Variants in TRMT11 observed in about 807,000 individuals in gnomAD.
The protein encoded by TRMT11 is tRNA methyltransferase 11, also known as tRNA (guanine(10)-N(2))-methyltransferase TRMT11.
Under a neutral mutation model 62.8 loss-of-function variants are expected in TRMT11, and 53 were observed. That is an observed-to-expected ratio of 0.84 (90% CI 0.68 to 1.06). The LOEUF (loss-of-function observed/expected upper bound fraction) is 1.06, where lower values mean the gene tolerates loss of function less well. TRMT11 is among the 50% of genes least tolerant of loss of function. TRMT11 has a pLI of 0.00. For missense variants in TRMT11, 556 were observed against 553.4 expected (o/e 1.00, Z -0.05); for synonymous variants, 188 against 190.3 (o/e 0.99, Z 0.10).
intron 17 of TRMT11, among the ~76,000 whole-genome samples, chr6:126,086,729 C>A (rs1032112637): frequency 2.0e-5 from 3 of 152,146 alleles, no homozygotes; most frequent in Non-Finnish European, 1.5e-5. Context: ...ACTTCTTTGT[C>A]TTATCTTGAT....
chr6:126,025,147 T>C (rs1352778127), intron 12 of TRMT11, among the ~76,000 whole-genome samples: 3 of 152,202 alleles, frequency 2.0e-5, no homozygotes, highest in Non-Finnish European at 4.4e-5. Flanking sequence ...TCTATTTTAA[T>C]GGAAAAATTT....
chr6:126,078,020 AATGC>A (rs1411431253), intron 17 of TRMT11, among the ~76,000 whole-genome samples: 1 of 152,172 alleles, frequency 6.6e-6, no homozygotes, highest in Non-Finnish European at 1.5e-5. Flanking sequence ...GCTCTGTGCT[AATGC>A]ATCACCCCAC....
At chr6:126,129,615 C>G (rs1305144750) in intron 21 of TRMT11, among the ~76,000 whole-genome samples, 1 of 151,946 alleles carries the variant, frequency 6.6e-6, no homozygotes, top group Non-Finnish European at 1.5e-5. Flanking sequence ...CTTGATATCC[C>G]AGCCTCAGGT....
At chr6:126,223,890 T>A in the TRMT11 span, among the ~76,000 whole-genome samples, 128,191 of 152,160 alleles carry the variant, frequency 0.84, 54,733 homozygotes, top group East Asian at 1. Flanking sequence ...TCAAAGAATC[T>A]ATCTTTGAGA....
chr6:126,159,308 C>T (rs1778161849), intron 21 of TRMT11, among the ~76,000 whole-genome samples: 1 of 152,074 alleles, frequency 6.6e-6, no homozygotes, highest in Non-Finnish European at 1.5e-5. Context: ...ATACCTTAGG[C>T]TTTAGTGTCA....
the TRMT11 span, chr6:126,258,242 G>A: frequency 0.18 from 107,569 of 610,464 alleles, 13,497 homozygotes; most frequent in East Asian, 0.53. Flanking sequence ...TGTGCCGCCC[G>A]GGCCTCCTCC....
In TRMT11 at chr6:126,005,967, T is replaced by C. The variant is rs182161433; in HGVS notation, c.680-2425T>C. 2.2e-4 allele frequency among the ~76,000 whole-genome samples: 33 copies of C among 152,086 alleles called. No individual in the cohort carries two copies. The East Asian group carries it at 4.4e-3, about 20-fold the overall frequency. On this transcript the variant is annotated intron_variant, in intron 7 of 12. Coordinates refer to ENST00000334379, the MANE Select transcript of TRMT11 (RefSeq NM_001031712.3). ...TGGAAGGAAAGGAGTGTAGCTCCTTTTGAAGTTTTATCATTGTAAAATAGT... is the reference window on the plus strand; with the variant it reads ...TGGAAGGAAAGGAGTGTAGCTCCTTCTGAAGTTTTATCATTGTAAAATAGT...
chr6:126,209,443 G>A, the TRMT11 span, among the ~76,000 whole-genome samples: 12 of 151,860 alleles, frequency 7.9e-5, no homozygotes, highest in African/African-American at 2.4e-4. Context: ...GGTGTAGGCC[G>A]GGCGCGGTGG....
chr6:126,076,547 C>T (rs1316932102), intron 17 of TRMT11, among the ~76,000 whole-genome samples: 1 of 152,178 alleles, frequency 6.6e-6, no homozygotes, highest in Non-Finnish European at 1.5e-5. Flanking sequence ...AGTTGGATTT[C>T]TGCAACTTGC....
the TRMT11 span, among the ~76,000 whole-genome samples, chr6:126,218,897 G>T: frequency 2.0e-5 from 3 of 152,178 alleles, no homozygotes; most frequent in African/African-American, 7.2e-5. Context: ...TGGGATGGGT[G>T]ATTTCCCTCT....
At chr6:126,015,718 A>T (rs1794898564) in intron 11 of TRMT11, among the ~76,000 whole-genome samples, 1 of 152,192 alleles carries the variant, frequency 6.6e-6, no homozygotes, top group Non-Finnish European at 1.5e-5. Flanking sequence ...CAATCCATGT[A>T]GGAAACTGTG....
At chr6:126,251,071 C>T in the TRMT11 span, among the ~76,000 whole-genome samples, 1 of 150,686 alleles carries the variant, frequency 6.6e-6, no homozygotes, top group Non-Finnish European at 1.5e-5. Context: ...TGCTCTTTCA[C>T]CCAGGCTGGA....
chr6:126,165,277 CAAAA>C (rs764649605), intron 21 of TRMT11, among the ~76,000 whole-genome samples: 1 of 134,728 alleles, frequency 7.4e-6, no homozygotes. Flanking sequence ...GACCGTGCCT[CAAAA>C]AAAAAAAAAA....
intron 1 of TRMT11, among the ~76,000 whole-genome samples, chr6:125,990,571 G>A (rs1790445550): frequency 6.6e-6 from 1 of 152,154 alleles, no homozygotes; most frequent in Non-Finnish European, 1.5e-5. Context: ...TCCTCTCCTG[G>A]ATGTTGGTTT....
chr6:126,054,057 A>T (rs1311463206), intron 17 of TRMT11, among the ~76,000 whole-genome samples: 1 of 152,104 alleles, frequency 6.6e-6, no homozygotes, highest in Non-Finnish European at 1.5e-5. Flanking sequence ...ATCCTAAAGG[A>T]CTCATACGCC....
In TRMT11 at chr6:126,044,622, A is replaced by G. The variant is rs1775992375; in HGVS notation, c.*1369+3777A>G. The stretch of plus-strand genomic sequence containing the variant: ...GTTTTTGAGGATATTTGTATAGTGA[A>G]CAATCTTGGAAGATATAGAGTCTTT... On this transcript the variant is annotated intron_variant and NMD_transcript_variant, in intron 16 of 22. Coordinates refer to the TRMT11 transcript ENST00000648977. 2.6e-5 allele frequency among the ~76,000 whole-genome samples: 4 copies of G among 152,142 alleles called. No individual in the cohort carries two copies. In the South Asian group the frequency reaches 8.3e-4, roughly 31 times the overall value.
At chr6:126,183,897 T>C (rs1381888937) in intron 1 of TRMT11, among the ~76,000 whole-genome samples, 1 of 152,152 alleles carries the variant, frequency 6.6e-6, no homozygotes, top group African/African-American at 2.4e-5. Flanking sequence ...CAGCCCTTAG[T>C]GCGAGTCGCA....
At chr6:126,271,363 CAAAAA>C in the TRMT11 span, among the ~76,000 whole-genome samples, 26 of 36,266 alleles carry the variant, frequency 7.2e-4, no homozygotes, top group African/African-American at 2.2e-3. Flanking sequence ...GACTCCATCT[CAAAAA>C]AAAAAAAAAA....
intron 21 of TRMT11, among the ~76,000 whole-genome samples, chr6:126,154,642 G>A (rs1001262925): frequency 4.6e-5 from 7 of 152,118 alleles, no homozygotes; most frequent in African/African-American, 1.7e-4. Flanking sequence ...TCAAAGCCCG[G>A]CCACTTCTCA....
Sources: gnomAD v4.1 joint callset for allele counts (sites outside exome capture counted in the v4.1 genomes callset) on GRCh38, gnomAD v4.1.1 for gene constraint, MANE v1.5 for transcripts, NCBI Gene and HGNC (gene_info 2026-07-23, HGNC 2026-07-21) for gene names.